The following GPRC6A variants were observed in gnomAD, a reference collection of about 807,000 sequenced individuals.
The protein encoded by GPRC6A is G protein-coupled receptor class C group 6 member A.
GPRC6A carries 54 observed loss-of-function variants against 47.0 expected under a neutral mutation model. The observed-to-expected ratio is 1.15, with a 90% CI of 0.92 to 1.44. GPRC6A has a LOEUF of 1.44. Ranked by LOEUF, GPRC6A falls within the 40% of genes most tolerant of loss-of-function variation. The pLI, the probability that GPRC6A is intolerant of heterozygous loss-of-function variation, is 0.00. For synonymous variants in GPRC6A, 347 were observed against 377.1 expected (o/e 0.92, Z 0.93); for missense variants, 1,112 against 1,105.5 (o/e 1.01, Z -0.08).
chr6:116,802,886 A>G (rs1213303764), intron 3 of GPRC6A, among the ~76,000 whole-genome samples: 1 of 152,146 alleles, frequency 6.6e-6, no homozygotes, highest in East Asian at 1.9e-4. Flanking sequence ...GAGGTGGTGT[A>G]TATCAGTACC....
At chr6:116,819,983 G>A (rs965270615) in intron 1 of GPRC6A, among the ~76,000 whole-genome samples, 3 of 150,428 alleles carry the variant, frequency 2.0e-5, no homozygotes, top group Non-Finnish European at 3.0e-5. Flanking sequence ...AAGAAAAAAA[G>A]AGAGAAGAAT....
chr6:116,812,958 C>G (rs1390858642), intron 1 of GPRC6A, among the ~76,000 whole-genome samples: 2 of 152,120 alleles, frequency 1.3e-5, no homozygotes, highest in Non-Finnish European at 2.9e-5. Context: ...TTCCTATACA[C>G]CAATAACAGA....
intron 1 of GPRC6A, 58 bp downstream of exon 1, chr6:116,828,762 T>G: frequency 7.2e-7 from 1 of 1,391,356 alleles, no homozygotes; most frequent in Non-Finnish European, 9.8e-7. Flanking sequence ...TAACAGTTTA[T>G]ATGTCCTAGT....
At chr6:116,800,201 T>A (rs1198198446) in intron 4 of GPRC6A, among the ~76,000 whole-genome samples, 1 of 67,898 alleles carries the variant, frequency 1.5e-5, no homozygotes, top group Non-Finnish European at 2.9e-5. Flanking sequence ...CCTCCCTCCC[T>A]CTCTCTCTTT....
rs764642838 is a variant in GPRC6A at position 116,809,519 on chromosome 6, T to G, written c.293A>C (p.Glu98Ala). The change falls in exon 2 of 6, where the codon GAA becomes GCA. Residue 98 changes from glutamate (E) to alanine (A), a missense_variant. Coordinates refer to ENST00000310357, the MANE Select transcript of GPRC6A (RefSeq NM_148963.4). The part of the protein sequence containing the change: ...TLLPGVKLGY[E>A]IYDTCTEVTV... Reference sequence around the variant, plus strand: ...GACTTCTGTACAAGTGTCATAGATTTCATACCCCAGTTTGACTCCAGGTAA... The same window carrying G: ...GACTTCTGTACAAGTGTCATAGATTGCATACCCCAGTTTGACTCCAGGTAA... The G allele has an allele frequency of 1.9e-6, 3 of 1,613,482 alleles. No homozygotes were observed. Among genetic ancestry groups the G allele is most frequent in the Non-Finnish European group, 2.5e-6 (3 of 1,179,548 alleles).
intron 4 of GPRC6A, among the ~76,000 whole-genome samples, chr6:116,800,264 T>TCCTCCCTCCCTC (rs143295846): frequency 1.8e-5 from 2 of 112,426 alleles, no homozygotes; most frequent in African/African-American, 7.1e-5. Context: ...CTTCCTTCCT[T>TCCTCCCTCCCTC]CCTCCCTCCC....
chr6:116,798,050 T>C (rs1212195575), intron 4 of GPRC6A, among the ~76,000 whole-genome samples: 4 of 152,248 alleles, frequency 2.6e-5, no homozygotes, highest in African/African-American at 7.2e-5. Context: ...ACTGTTCTAA[T>C]TGTTGAAGCC....
intron 1 of GPRC6A, among the ~76,000 whole-genome samples, chr6:116,817,323 G>A (rs1240725104): frequency 1.3e-5 from 2 of 152,008 alleles, no homozygotes; most frequent in African/African-American, 4.8e-5. Context: ...TGCAGCTGAG[G>A]GTCCTGTCTG....
rs1187790357 is a variant in GPRC6A at position 116,800,763 on chromosome 6, C to A, written c.1369G>T (p.Asp457Tyr). 3.1e-6 allele frequency: 5 copies of A among 1,609,416 alleles called. No individual in the cohort carries two copies. In the South Asian group the frequency reaches 5.5e-5, roughly 18 times the overall value. ...TCAAAATGAAATGAATTCCATCCAT[C>A]AGTGAATGTCACATTTTTTAGCACA... ...LGVLKNVTFT[D>Y]GWNSFHFDAH... The change falls in exon 4 of 6, where the codon GAT becomes TAT. Residue 457 changes from aspartate to tyrosine, a missense_variant. Asp to Tyr is a radical substitution (Grantham distance 160, BLOSUM62 -3). Transcript: ENST00000310357.
At chr6:116,806,282 A>G in intron 3 of GPRC6A, 88 bp downstream of exon 3, 3 of 808,514 alleles carry the variant, frequency 3.7e-6, no homozygotes. Context: ...ATTAAGAGCA[A>G]TTAATATAAA....
intron 1 of GPRC6A, 134 bp from the exon 2 acceptor site, chr6:116,809,751 A>G (rs1465585421): frequency 1.7e-6 from 1 of 596,578 alleles, no homozygotes; most frequent in African/African-American, 1.9e-5. Context: ...TCTAAATTTT[A>G]TTTAAAAACA....
chr6:116,799,622 G>A (rs561003182), intron 4 of GPRC6A, among the ~76,000 whole-genome samples: 1 of 152,136 alleles, frequency 6.6e-6, no homozygotes, highest in African/African-American at 2.4e-5. Context: ...AGAAATTGGG[G>A]TCATTAAATG....
Position 116,806,580 on chromosome 6 carries a change from G to A in GPRC6A, c.1125C>T (p.Cys375=), listed in dbSNP as rs755735847. The A allele has an allele frequency of 1.9e-6, 3 of 1,613,500 alleles. No individual in the cohort carries two copies. The highest frequency in any genetic ancestry group is 2.5e-6 in the Non-Finnish European group (3 of 1,179,650). ...AAGTCCTTTGAGAATGATTGAATATGCATTGACTCAAATCAGTGTCCTTGA... is the reference window on the plus strand; with the variant it reads ...AAGTCCTTTGAGAATGATTGAATATACATTGACTCAAATCAGTGTCCTTGA... The part of the protein sequence containing the change: ...AYVKDTDLSQ[C]IFNHSQRTLA... Residue 375 remains cysteine, a synonymous_variant, in exon 3 of 6, where the codon TGC becomes TGT. Transcript: ENST00000310357.
At chr6:116,793,923 G>A (rs1312773360) in intron 5 of GPRC6A, among the ~76,000 whole-genome samples, 1 of 152,162 alleles carries the variant, frequency 6.6e-6, no homozygotes, top group Non-Finnish European at 1.5e-5. Context: ...AATTGTAATC[G>A]ATGGCAATTG....
At chr6:116,810,409 A>G (rs1406263298) in intron 1 of GPRC6A, among the ~76,000 whole-genome samples, 2 of 152,104 alleles carry the variant, frequency 1.3e-5, no homozygotes, top group Admixed American at 6.5e-5. Flanking sequence ...AGATGGTTCT[A>G]TCTCTACAAA....
intron 1 of GPRC6A, among the ~76,000 whole-genome samples, chr6:116,828,388 GA>G (rs71272370): frequency 8.6e-5 from 13 of 151,414 alleles, no homozygotes; most frequent in Non-Finnish European, 1.3e-4. Context: ...ATGCAGTGTT[GA>G]AAAAAAATGT....
In GPRC6A at chr6:116,828,915, C is replaced by G. The variant is rs200048171; in HGVS notation, c.99G>C (p.Pro33=). The change falls in exon 1 of 6, where the codon CCG becomes CCC. Residue 33 remains proline (P), a synonymous_variant. Coordinates refer to ENST00000310357, the MANE Select transcript of GPRC6A (RefSeq NM_148963.4). ...ACAAACCTCCAATTATGATATGTCC[C>G]GGAGAAGTGGCAGCCACAAAGTCAT... ...TPDDFVAATS[P]GHIIIGGLFA... is the part of the protein sequence containing the mutation. The G allele has an allele frequency of 1.2e-6, 2 of 1,613,050 alleles. No homozygotes were observed. Among genetic ancestry groups the G allele is most frequent in the African/African-American group, 2.7e-5 (2 of 74,818 alleles).
At position 116,829,082 on chromosome 6, in the gene GPRC6A, A is replaced by T. The variant is rs1434313836; in HGVS notation, c.-69T>A. 2.6e-5 allele frequency: 39 copies of T among 1,527,884 alleles called. No individual in the cohort carries two copies. Among genetic ancestry groups the T allele is most frequent in the Admixed American group, 4.1e-5 (2 of 49,202 alleles). 94.6% of individuals were successfully genotyped at this position (1,527,884 alleles called of 1,614,324 possible). A position where few individuals can be genotyped will look rare whatever the true frequency, so the allele number is the denominator to read the frequency against. On this transcript the variant is annotated 5_prime_UTR_variant, in exon 1 of 6. Transcript: ENST00000310357. ...ATTAAGTGCACGGAGTGCCAGCAAG[A>T]TTCCTATTTCACCTGTAAACACCTT...
Position 116,793,251 on chromosome 6 carries a change from C to A in GPRC6A, c.1673-1G>T. On this transcript the variant is annotated splice_acceptor_variant, in intron 5 of 5. Transcript: ENST00000310357. LOFTEE classifies it high-confidence loss of function. ...TTGCATAAAAGGCAGTGAGGCATAT[C>A]TAAAAGACAGAGGAGACGCAGTTAC... The A allele has an allele frequency of 6.3e-7, 1 of 1,576,300 alleles. No homozygotes were observed. The highest frequency in any genetic ancestry group is 1.2e-5 in the South Asian group (1 of 84,248).
Sources: allele counts gnomAD v4.1 joint callset (sites outside exome capture counted in the v4.1 genomes callset), GRCh38; gene constraint gnomAD v4.1.1; transcripts MANE v1.5; gene names NCBI Gene and HGNC (gene_info 2026-07-23, HGNC 2026-07-21).